The following CSGALNACT1 variants were observed in gnomAD, a reference collection of about 807,000 sequenced individuals.
The protein encoded by CSGALNACT1 is chondroitin sulfate N-acetylgalactosaminyltransferase 1.
CSGALNACT1 carries 52 observed loss-of-function variants against 51.0 expected under a neutral mutation model. That is an observed-to-expected ratio of 1.02 (90% CI 0.82 to 1.29). The LOEUF (loss-of-function observed/expected upper bound fraction) is 1.29. CSGALNACT1 is among the 50% of genes most tolerant of loss of function. The probability of loss-of-function intolerance (pLI) is 0.00; values close to 1 mark genes in which losing one functional copy is unlikely to be tolerated. For synonymous variants in CSGALNACT1, 341 were observed against 254.4 expected (o/e 1.34, Z -3.24); for missense variants, 935 against 679.2 (o/e 1.38, Z -4.19).
At chr8:19,519,887 G>C (rs570011670) in intron 3 of CSGALNACT1, among the ~76,000 whole-genome samples, 25 of 152,302 alleles carry the variant, frequency 1.6e-4, no homozygotes, top group African/African-American at 6.0e-4. Flanking sequence ...GAATGGATCT[G>C]CACAGTGGCC....
exon 10 of CSGALNACT1, chr8:19,404,843 C>G: frequency 2.2e-6 from 1 of 454,458 alleles, no homozygotes; most frequent in Non-Finnish European, 4.4e-6. Context: ...GTGTCATTTT[C>G]TTTTCCTCCA....
At position 19,754,696 on chromosome 8, in the gene CSGALNACT1, G is replaced by C. The variant is rs375530021; in HGVS notation, c.-297+3154C>G. The stretch of plus-strand genomic sequence containing the variant: ...TGGCTAATGCTTTTGACACAAGGTT[G>C]CCCTTTTCTAATAAAGTATTCCATG... On this transcript the variant is annotated intron_variant, in intron 1 of 1. Coordinates refer to the CSGALNACT1 transcript ENST00000517494. 7.2e-5 allele frequency among the ~76,000 whole-genome samples: 11 copies of C among 152,280 alleles called. 1 individual carries two copies. In the South Asian group the frequency reaches 1.2e-3, roughly 17 times the overall value.
chr8:19,657,677 G>A (rs2058401032), intron 1 of CSGALNACT1, among the ~76,000 whole-genome samples: 2 of 152,154 alleles, frequency 1.3e-5, no homozygotes, highest in African/African-American at 4.8e-5. Context: ...AACATCTTAA[G>A]AATAAGGGCA....
chr8:19,423,314 G>A (rs890411030), intron 6 of CSGALNACT1, among the ~76,000 whole-genome samples: 1 of 152,158 alleles, frequency 6.6e-6, no homozygotes, highest in African/African-American at 2.4e-5. Flanking sequence ...AAGAATACAA[G>A]ACAGTGTTAG....
At chr8:19,453,511 C>G (rs1343468363) in intron 5 of CSGALNACT1, among the ~76,000 whole-genome samples, 4 of 152,064 alleles carry the variant, frequency 2.6e-5, no homozygotes, top group Admixed American at 2.6e-4. Flanking sequence ...AACAGAGAAT[C>G]CAATAAATGA....
chr8:19,505,951 T>G, exon 4 of CSGALNACT1: 2 of 1,180,870 alleles, frequency 1.7e-6, no homozygotes, highest in South Asian at 2.5e-5. Context: ...CGGAGCTGCT[T>G]GCATCCATTT....
intron 5 of CSGALNACT1, among the ~76,000 whole-genome samples, chr8:19,450,540 G>A (rs1014525567): frequency 6.6e-6 from 1 of 152,150 alleles, no homozygotes; most frequent in Non-Finnish European, 1.5e-5. Context: ...ACATCAGCCA[G>A]GACAATGACA....
chr8:19,709,589 G>A (rs73218634), intron 1 of CSGALNACT1, among the ~76,000 whole-genome samples: 2,280 of 152,324 alleles, frequency 0.015, 29 homozygotes, highest in South Asian at 0.044. Flanking sequence ...GTGCTCCTGA[G>A]GCTGGAAAGC....
intron 1 of CSGALNACT1, among the ~76,000 whole-genome samples, chr8:19,700,878 A>G (rs1002844357): frequency 6.6e-6 from 1 of 152,206 alleles, no homozygotes; most frequent in Admixed American, 6.5e-5. Flanking sequence ...TAGTAACAGA[A>G]CATTTGTATT....
rs765108312 is a variant in CSGALNACT1 at position 19,434,679 on chromosome 8, T to A, written c.953+5151A>T. ...AGCAAAGCCTCTGGCAAATGCCAGG[T>A]GAGATGGTCAGAGGCCTGAGATACT... On this transcript the variant is annotated intron_variant, in intron 6 of 9. Transcript: ENST00000454498. Among the ~76,000 whole-genome samples, 96 of 152,164 alleles carry A rather than the reference T, an allele frequency of 6.3e-4. 1 individual carries two copies. Among genetic ancestry groups the A allele is most frequent in the Non-Finnish European group, 1.3e-4 (9 of 67,998 alleles).
chr8:19,599,535 A>AAAG (rs1564211993), intron 2 of CSGALNACT1, among the ~76,000 whole-genome samples: 5 of 150,234 alleles, frequency 3.3e-5, no homozygotes, highest in African/African-American at 1.2e-4. Context: ...AAAAGAAAGA[A>AAAG]AAAGAAGGAA....
At chr8:19,545,163 T>C (rs1185369573) in intron 3 of CSGALNACT1, among the ~76,000 whole-genome samples, 1 of 152,152 alleles carries the variant, frequency 6.6e-6, no homozygotes, top group East Asian at 1.9e-4. Flanking sequence ...ATCCTATCTC[T>C]GGACTTGACC....
chr8:19,462,788 G>C (rs941127013), intron 4 of CSGALNACT1, among the ~76,000 whole-genome samples: 2 of 151,560 alleles, frequency 1.3e-5, no homozygotes, highest in Non-Finnish European at 2.9e-5. Flanking sequence ...AATCTGATTT[G>C]GGATCCCTTA....
chr8:19,404,477 G>A (rs777352677), exon 10 of CSGALNACT1: 35 of 453,716 alleles, frequency 7.7e-5, no homozygotes, highest in South Asian at 5.3e-4. Context: ...ATTTTCAGAA[G>A]CATCTTGGTG....
chr8:19,437,944 A>T (rs899292831), intron 6 of CSGALNACT1, among the ~76,000 whole-genome samples: 1 of 152,200 alleles, frequency 6.6e-6, no homozygotes, highest in African/African-American at 2.4e-5. Flanking sequence ...TTGCCAGGTA[A>T]TTTGATATGG....
At chr8:19,660,290 G>C (rs1051811394) in intron 1 of CSGALNACT1, among the ~76,000 whole-genome samples, 1 of 152,148 alleles carries the variant, frequency 6.6e-6, no homozygotes, top group Non-Finnish European at 1.5e-5. Context: ...GTGCAGTCTG[G>C]GGACCAGACA....
At position 19,583,228 on chromosome 8, in the gene CSGALNACT1, T is replaced by C. The variant is rs147435389; in HGVS notation, c.-297+7932A>G. ...ATCATGTAGAAGACAAAAAGTAGAG[T>C]TCCAAGCCATTGCTACAACAATGCT... On this transcript the variant is annotated intron_variant, in intron 3 of 9. Coordinates refer to ENST00000454498, the Ensembl canonical transcript of CSGALNACT1. Among the ~76,000 whole-genome samples the C allele has an allele frequency of 3.0e-3, 458 of 152,196 alleles. 4 individuals are homozygous for C. The highest frequency in any genetic ancestry group is 0.011 in the African/African-American group (444 of 41,540).
intron 3 of CSGALNACT1, among the ~76,000 whole-genome samples, chr8:19,586,405 T>TGA (rs1327765713): frequency 2.4e-5 from 3 of 126,932 alleles, no homozygotes; most frequent in East Asian, 2.1e-4. Context: ...CGTAGTCTTA[T>TGA]AGAAAAAAAA....
intron 4 of CSGALNACT1, among the ~76,000 whole-genome samples, chr8:19,495,395 TA>T (rs1217357552): frequency 1.3e-5 from 2 of 152,048 alleles, no homozygotes; most frequent in African/African-American, 4.8e-5. Context: ...GACCAGCCCA[TA>T]AAAACCTCTT....
Sources: gnomAD v4.1 joint callset for allele counts (sites outside exome capture counted in the v4.1 genomes callset) on GRCh38, gnomAD v4.1.1 for gene constraint, MANE v1.5 for transcripts, NCBI Gene and HGNC (gene_info 2026-07-23, HGNC 2026-07-21) for gene names.